NEK7: variants seen among roughly 807,000 people sequenced by gnomAD.
NEK7 encodes NIMA related kinase 7, also known as serine/threonine-protein kinase Nek7.
In NEK7, 18 loss-of-function variants were observed where a neutral mutation model predicts 44.6. That is an observed-to-expected ratio of 0.40 (90% CI 0.28 to 0.60). NEK7 has a LOEUF of 0.60. Ranked by LOEUF, NEK7 falls within the 20% of genes least tolerant of loss-of-function variation. NEK7 has a pLI of 0.38. For missense variants in NEK7, 256 were observed against 366.5 expected, an observed-to-expected ratio of 0.70 and a Z score of 2.46; for synonymous variants, 130 against 121.1, an observed-to-expected ratio of 1.07 and a Z score of -0.48.
At chr1:198,240,499 C>A (rs1477795056) in intron 2 of NEK7, among the ~76,000 whole-genome samples, 478 of 122,824 alleles carry the variant, frequency 3.9e-3, no homozygotes, top group East Asian at 5.8e-3. Flanking sequence ...GACTCCGTCT[C>A]AAAAAAAAAA....
At chr1:198,213,632 C>G (rs1415845085) in intron 1 of NEK7, among the ~76,000 whole-genome samples, 1 of 152,152 alleles carries the variant, frequency 6.6e-6, no homozygotes, top group Admixed American at 6.5e-5. Context: ...AAAGAGGTGC[C>G]TGTCTGATCT....
intron 1 of NEK7, among the ~76,000 whole-genome samples, chr1:198,169,267 T>G (rs1664360947): frequency 6.6e-6 from 1 of 152,200 alleles, no homozygotes; most frequent in Non-Finnish European, 1.5e-5. Context: ...GCTTCTTATT[T>G]TTGCTTGGAG....
intron 2 of NEK7, among the ~76,000 whole-genome samples, chr1:198,246,386 A>G (rs1050198436): frequency 3.9e-5 from 6 of 152,182 alleles, no homozygotes; most frequent in African/African-American, 1.4e-4. Context: ...CCATGGGGGG[A>G]AAAAGGTGCC....
chr1:198,199,936 A>G (rs939971160), intron 1 of NEK7, among the ~76,000 whole-genome samples: 1 of 152,042 alleles, frequency 6.6e-6, no homozygotes, highest in Non-Finnish European at 1.5e-5. Flanking sequence ...ATTTAGATTT[A>G]AATCTGTCAT....
intron 1 of NEK7, among the ~76,000 whole-genome samples, chr1:198,170,115 T>G (rs1334488655): frequency 6.6e-6 from 1 of 152,124 alleles, no homozygotes; most frequent in Non-Finnish European, 1.5e-5. Context: ...TTGAAATAGG[T>G]AAAGGTCTAA....
At chr1:198,184,040 G>T (rs1664844554) in intron 1 of NEK7, among the ~76,000 whole-genome samples, 1 of 152,146 alleles carries the variant, frequency 6.6e-6, no homozygotes, top group Non-Finnish European at 1.5e-5. Flanking sequence ...ATAGTTGGAT[G>T]TTTACTTAAC....
chr1:198,296,164 C>G (rs1486730605), intron 8 of NEK7, among the ~76,000 whole-genome samples: 9 of 152,144 alleles, frequency 5.9e-5, no homozygotes, highest in Non-Finnish European at 2.9e-5. Context: ...TAGCGTGTTT[C>G]ACACACACTC....
chr1:198,159,282 G>T (rs1051279663), intron 1 of NEK7, among the ~76,000 whole-genome samples: 1 of 152,096 alleles, frequency 6.6e-6, no homozygotes, highest in Non-Finnish European at 1.5e-5. Flanking sequence ...CAGGCTGAGG[G>T]CCAGCCTGGA....
At chr1:198,192,807 A>G (rs915272579) in intron 1 of NEK7, among the ~76,000 whole-genome samples, 2 of 152,126 alleles carry the variant, frequency 1.3e-5, no homozygotes, top group African/African-American at 4.8e-5. Context: ...GACTCAGCTA[A>G]AGCAGTGTTA....
chr1:198,202,982 T>G (rs1287572743), intron 1 of NEK7, among the ~76,000 whole-genome samples: 1 of 151,126 alleles, frequency 6.6e-6, no homozygotes, highest in Non-Finnish European at 1.5e-5. Flanking sequence ...CTACCACTTC[T>G]TTTTTTTCAG....
At chr1:198,225,630 T>A (rs1666197530) in intron 1 of NEK7, among the ~76,000 whole-genome samples, 1 of 152,198 alleles carries the variant, frequency 6.6e-6, no homozygotes, top group African/African-American at 2.4e-5. Flanking sequence ...CACTTGTCTA[T>A]TTTTAGATTA....
intron 1 of NEK7, among the ~76,000 whole-genome samples, chr1:198,175,784 T>A (rs535253965): frequency 1.3e-5 from 2 of 152,218 alleles, no homozygotes; most frequent in Non-Finnish European, 2.9e-5. Context: ...TAAGTATCAT[T>A]TGTCTTTCAC....
chr1:198,160,631 G>A (rs1311869421), intron 1 of NEK7, among the ~76,000 whole-genome samples: 5 of 152,136 alleles, frequency 3.3e-5, no homozygotes, highest in Non-Finnish European at 7.4e-5. Flanking sequence ...TATATAGCAA[G>A]ATGTTTTAAG....
chr1:198,233,583 C>T (rs1666462111), intron 2 of NEK7, among the ~76,000 whole-genome samples: 1 of 152,050 alleles, frequency 6.6e-6, no homozygotes, highest in Non-Finnish European at 1.5e-5. Context: ...AGTGTTCTTT[C>T]ACAAGAGTTC....
intron 1 of NEK7, among the ~76,000 whole-genome samples, chr1:198,202,740 T>G (rs1279798833): frequency 6.6e-6 from 1 of 152,194 alleles, no homozygotes; most frequent in African/African-American, 2.4e-5. Context: ...TTTGTGAGAC[T>G]TATTCACTAC....
At chr1:198,309,842 A>G (rs1381313766) in intron 9 of NEK7, among the ~76,000 whole-genome samples, 7 of 152,140 alleles carry the variant, frequency 4.6e-5, no homozygotes, top group Admixed American at 2.0e-4. Context: ...CCAGTCTATC[A>G]TTGTTGGACA....
chr1:198,273,628 TA>T (rs1653922014), intron 5 of NEK7, among the ~76,000 whole-genome samples: 1 of 151,790 alleles, frequency 6.6e-6, no homozygotes, highest in South Asian at 2.1e-4. Flanking sequence ...ATGTTTGACC[TA>T]ATTACAAACT....
At chr1:198,259,846 G>A (rs926790360) in intron 3 of NEK7, among the ~76,000 whole-genome samples, 9 of 151,964 alleles carry the variant, frequency 5.9e-5, no homozygotes, top group African/African-American at 2.2e-4. Flanking sequence ...TTCCTGAAGG[G>A]CATTACGCAT....
intron 2 of NEK7, among the ~76,000 whole-genome samples, chr1:198,235,384 T>C (rs1666520370): frequency 6.6e-6 from 1 of 152,168 alleles, no homozygotes; most frequent in Admixed American, 6.5e-5. Context: ...CTCCCTTCTT[T>C]TCCCCCTTTC....
Sources: gnomAD v4.1 joint callset for allele counts (sites outside exome capture counted in the v4.1 genomes callset) on GRCh38, gnomAD v4.1.1 for gene constraint, MANE v1.5 for transcripts, NCBI Gene and HGNC (gene_info 2026-07-23, HGNC 2026-07-21) for gene names.